Variants in ST7L observed in about 807,000 individuals in gnomAD.
ST7L encodes suppression of tumorigenicity 7 like, also known as suppressor of tumorigenicity 7 protein-like.
ST7L carries 57 observed loss-of-function variants against 72.5 expected under a neutral mutation model. The observed-to-expected ratio is 0.79, with a 90% CI of 0.64 to 0.98. The LOEUF (loss-of-function observed/expected upper bound fraction) is 0.98, where lower values mean the gene tolerates loss of function less well. ST7L is among the 50% of genes least tolerant of loss of function. The pLI, the probability that ST7L is intolerant of heterozygous loss-of-function variation, is 0.00. For synonymous variants in ST7L, 221 were observed against 240.9 expected, an observed-to-expected ratio of 0.92 and a Z score of 0.77; for missense variants, 576 against 672.2, an observed-to-expected ratio of 0.86 and a Z score of 1.58.
chr1:112,523,218 C>G (rs1343256615), downstream of ST7L: 1 of 152,204 alleles, frequency 6.6e-6, no homozygotes, highest in Non-Finnish European at 1.5e-5. Context: ...CTTCTGGCAT[C>G]TCATGCTACT....
chr1:112,619,463 A>C, upstream of ST7L: 1 of 540,918 alleles, frequency 1.8e-6, no homozygotes, highest in Non-Finnish European at 3.3e-6. Flanking sequence ...AGCAGCTCTT[A>C]AAGCTTTGGA....
At chr1:112,603,741 T>C (rs764012844) in intron 3 of ST7L, among the ~76,000 whole-genome samples, 18 of 152,218 alleles carry the variant, frequency 1.2e-4, no homozygotes, top group Non-Finnish European at 2.6e-4. Context: ...GAGATCAAGG[T>C]ACCTGCAGGG....
chr1:112,599,157 C>T lies in ST7L; in HGVS notation c.507-1071G>A, dbSNP rs1455920514. 4.7e-4 allele frequency among the ~76,000 whole-genome samples: 61 copies of T among 130,290 alleles called. 2 individuals are homozygous for T. Among genetic ancestry groups the T allele is most frequent in the African/African-American group, 1.5e-3 (54 of 35,384 alleles). The allele number at this position is 130,290 out of a possible 152,430, so 85.5% of individuals were successfully genotyped here. ...ACACACACACACACACACACACACACACACTTCTTTTCAAGATCTTCAGGA... is the reference window on the plus strand; with the variant it reads ...ACACACACACACACACACACACACATACACTTCTTTTCAAGATCTTCAGGA... On this transcript the variant is annotated intron_variant, in intron 4 of 14. Coordinates refer to ENST00000358039, the MANE Select transcript of ST7L (RefSeq NM_017744.5).
chr1:112,582,164 G>C, intron 8 of ST7L, 58 bp from the exon 9 acceptor site: 2 of 1,283,676 alleles, frequency 1.6e-6, no homozygotes, highest in Admixed American at 3.8e-5. Context: ...CAATAGAGCT[G>C]AGCCAGATTC....
chr1:112,539,550 G>T, intron 14 of ST7L: 1 of 289,526 alleles, frequency 3.5e-6, no homozygotes, highest in Non-Finnish European at 5.2e-6. Flanking sequence ...CAGCTATGTG[G>T]GAGGCTGAGG....
chr1:112,561,809 T>C (rs1289358270), intron 11 of ST7L, among the ~76,000 whole-genome samples: 2 of 152,038 alleles, frequency 1.3e-5, no homozygotes, highest in Non-Finnish European at 2.9e-5. Flanking sequence ...TGATATCATA[T>C]TTAAAGCTGA....
intron 3 of ST7L, among the ~76,000 whole-genome samples, chr1:112,601,835 T>C (rs1049389396): frequency 1.3e-4 from 20 of 151,824 alleles, no homozygotes; most frequent in African/African-American, 4.1e-4. Context: ...TCCCAGCACT[T>C]TGGGAGGCCA....
chr1:112,559,968 A>T (rs1456009868), intron 11 of ST7L, among the ~76,000 whole-genome samples: 1 of 151,594 alleles, frequency 6.6e-6, no homozygotes, highest in East Asian at 2.0e-4. Context: ...ACAGAGCAAG[A>T]CTCCATTTCA....
chr1:112,533,392 C>T (rs528141252), intron 14 of ST7L, among the ~76,000 whole-genome samples: 1 of 151,872 alleles, frequency 6.6e-6, no homozygotes, highest in Non-Finnish European at 1.5e-5. Context: ...GATCCTGGCT[C>T]ACGGCAATCT....
intron 12 of ST7L, among the ~76,000 whole-genome samples, chr1:112,554,276 T>G (rs1653015899): frequency 6.6e-6 from 1 of 152,136 alleles, no homozygotes; most frequent in Non-Finnish European, 1.5e-5. Context: ...GAAGCAACAA[T>G]TAAAGAGATC....
intron 10 of ST7L, among the ~76,000 whole-genome samples, chr1:112,577,606 A>G (rs868067943): frequency 9.9e-5 from 15 of 152,016 alleles, no homozygotes; most frequent in African/African-American, 3.6e-4. Context: ...ATAAGGAATG[A>G]AAGTCTTCAA....
intron 14 of ST7L, among the ~76,000 whole-genome samples, chr1:112,535,736 A>AT (rs1486068363): frequency 2.0e-5 from 3 of 151,962 alleles, no homozygotes; most frequent in African/African-American, 7.2e-5. Flanking sequence ...AAAAAAAAAA[A>AT]GTACATTTTC....
intron 6 of ST7L, among the ~76,000 whole-genome samples, chr1:112,586,661 T>C (rs1664914735): frequency 6.6e-6 from 1 of 152,216 alleles, no homozygotes; most frequent in Admixed American, 6.5e-5. Flanking sequence ...TAAAGTTTTC[T>C]TGGATTTGTT....
chr1:112,583,528 G>A (rs891677349), intron 7 of ST7L, among the ~76,000 whole-genome samples: 4 of 152,214 alleles, frequency 2.6e-5, no homozygotes, highest in African/African-American at 9.6e-5. Flanking sequence ...TGGTGTGAAA[G>A]GGGCCACTCC....
At chr1:112,559,338 A>T (rs778348284) in intron 11 of ST7L, among the ~76,000 whole-genome samples, 1 of 151,992 alleles carries the variant, frequency 6.6e-6, no homozygotes, top group Non-Finnish European at 1.5e-5. Flanking sequence ...GGTTCCAATG[A>T]TTCTCCTGCC....
chr1:112,566,498 C>T (rs752010624), intron 11 of ST7L, among the ~76,000 whole-genome samples: 2 of 151,922 alleles, frequency 1.3e-5, no homozygotes, highest in Non-Finnish European at 2.9e-5. Context: ...GGGGTTTCAC[C>T]ATGCTGGCCA....
chr1:112,608,593 C>A (rs1668624402), intron 3 of ST7L, among the ~76,000 whole-genome samples: 1 of 152,096 alleles, frequency 6.6e-6, no homozygotes, highest in South Asian at 2.1e-4. Context: ...TTCAGTCTTA[C>A]AATGGAAAAT....
At position 112,610,740 on chromosome 1, in the gene ST7L, C is replaced by A. The variant is rs138653820; in HGVS notation, c.451+101G>T. On this transcript the variant is annotated intron_variant, in intron 3 of 14. Transcript: ENST00000358039. Reference sequence around the variant, plus strand: ...ATTAGAATTTTGGGGGAAACACAAACATGCACACCACAGCACTCTGCTGTT... The same window carrying A: ...ATTAGAATTTTGGGGGAAACACAAAAATGCACACCACAGCACTCTGCTGTT... The A allele has an allele frequency of 8.8e-3, 12,305 of 1,394,528 alleles. 63 individuals carry two copies. The highest frequency in any genetic ancestry group is 0.011 in the Middle Eastern group (57 of 5,360). The allele number at this position is 1,394,528 out of a possible 1,614,324, so 86.4% of individuals were successfully genotyped here.
At chr1:112,587,803 T>C (rs771097919) in intron 6 of ST7L, among the ~76,000 whole-genome samples, 1 of 152,226 alleles carries the variant, frequency 6.6e-6, no homozygotes, top group Non-Finnish European at 1.5e-5. Flanking sequence ...TCAGGGTCTC[T>C]TGCAGTTCTG....
Sources: gnomAD v4.1 joint callset for allele counts (sites outside exome capture counted in the v4.1 genomes callset) on GRCh38, gnomAD v4.1.1 for gene constraint, MANE v1.5 for transcripts, NCBI Gene and HGNC (gene_info 2026-07-23, HGNC 2026-07-21) for gene names.